The following LXN variants were observed in gnomAD, a reference collection of about 807,000 sequenced individuals.
The protein encoded by LXN is latexin.
A neutral mutation model predicts 29.8 loss-of-function variants in LXN; 28 were observed. The observed-to-expected ratio is 0.94, with a 90% CI of 0.70 to 1.29. The LOEUF (loss-of-function observed/expected upper bound fraction) is 1.29. LXN is among the 50% of genes most tolerant of loss of function. The pLI, the probability that LXN is intolerant of heterozygous loss-of-function variation, is 0.00. For synonymous variants in LXN, 77 were observed against 89.6 expected (o/e 0.86, Z 0.80); for missense variants, 227 against 261.7 (o/e 0.87, Z 0.92).
Position 158,671,808 on chromosome 3 carries a change from AG to A in LXN, c.129+541del, listed in dbSNP as rs1218583905. 2.0e-5 allele frequency among the ~76,000 whole-genome samples: 3 copies of A among 152,338 alleles called. No individual in the cohort carries two copies. The East Asian group carries it at 5.8e-4, about 29-fold the overall frequency. The stretch of plus-strand genomic sequence containing the variant: ...ACATCATTTAAGGCAGTCATGTGGT[AG>A]CGGTGTTTGGGTGGCTAAAGGCCAG... On this transcript the variant is annotated intron_variant, in intron 1 of 5. Transcript: ENST00000264265.
intron 2 of LXN, among the ~76,000 whole-genome samples, chr3:158,670,685 A>G (rs1724201408): frequency 6.6e-6 from 1 of 152,222 alleles, no homozygotes; most frequent in African/African-American, 2.4e-5. Context: ...TGGAATATTT[A>G]GAATTAAATT....
At chr3:158,667,219 A>T in intron 4 of LXN, 145 bp from the exon 5 acceptor site, 1 of 908,124 alleles carries the variant, frequency 1.1e-6, no homozygotes. Context: ...ATTTCAATTT[A>T]ATGTGACAAA....
At chr3:158,670,274 C>T (rs1481941434) in intron 2 of LXN, among the ~76,000 whole-genome samples, 1 of 152,194 alleles carries the variant, frequency 6.6e-6, no homozygotes, top group Admixed American at 6.5e-5. Context: ...AGATCTTCAT[C>T]TGAATGGTGG....
At position 158,666,510 on chromosome 3, in the gene LXN, A is replaced by G. The variant is rs1258707970; in HGVS notation, c.*136T>C. On this transcript the variant is annotated 3_prime_UTR_variant, in exon 6 of 6. Coordinates refer to ENST00000264265, the MANE Select transcript of LXN (RefSeq NM_020169.4). ...AGTGATACTTTGTATTATGGACTCTATAAAGTTCTATACTGTAATCAAGAC... is the reference window on the plus strand; with the variant it reads ...AGTGATACTTTGTATTATGGACTCTGTAAAGTTCTATACTGTAATCAAGAC... The G allele has an allele frequency of 4.1e-5, 47 of 1,135,396 alleles. No individual in the cohort carries two copies. Among genetic ancestry groups the G allele is most frequent in the Non-Finnish European group, 5.4e-5 (41 of 755,404 alleles). The allele number at this position is 1,135,396 out of a possible 1,614,324, so 70.3% of individuals were successfully genotyped here.
At chr3:158,668,460 G>GTAA (rs1171888012) in intron 4 of LXN, among the ~76,000 whole-genome samples, 2 of 152,000 alleles carry the variant, frequency 1.3e-5, no homozygotes, top group Non-Finnish European at 2.9e-5. Context: ...ACTGTATATT[G>GTAA]TACACCTGGG....
At chr3:158,669,206 T>C in intron 3 of LXN, 74 bp from the exon 4 acceptor site, 8 of 1,442,042 alleles carry the variant, frequency 5.5e-6, no homozygotes, top group Non-Finnish European at 7.6e-6. Context: ...AAATTCTAAA[T>C]CATGTCTTAG....
chr3:158,668,428 G>A (rs1350422685), intron 4 of LXN, among the ~76,000 whole-genome samples: 2 of 152,074 alleles, frequency 1.3e-5, no homozygotes, highest in East Asian at 3.9e-4. Context: ...ATCCATAGAT[G>A]CAGAACCCAT....
chr3:158,667,483 C>G (rs936536235), intron 4 of LXN, among the ~76,000 whole-genome samples: 5 of 152,144 alleles, frequency 3.3e-5, no homozygotes, highest in Admixed American at 6.5e-5. Context: ...CAGAAATTCT[C>G]TTTTTGAAAA....
intron 3 of LXN, 102 bp from the exon 4 acceptor site, chr3:158,669,234 G>A (rs1724026680): frequency 3.0e-6 from 4 of 1,328,462 alleles, no homozygotes; most frequent in Non-Finnish European, 4.1e-6. Flanking sequence ...CGAATGTTGT[G>A]CAAAAAATAA....
Position 158,672,627 on chromosome 3 carries a change from C to G in LXN, c.-149G>C. 1.1e-6 allele frequency: 1 copy of G among 913,722 alleles called. No homozygotes were observed. Among genetic ancestry groups the G allele is most frequent in the South Asian group, 1.6e-5 (1 of 61,784 alleles). 56.6% of individuals were successfully genotyped at this position (913,722 alleles called of 1,614,324 possible). A position where few individuals can be genotyped will look rare whatever the true frequency, so the allele number is the denominator to read the frequency against. ...AGTCAGTCTTCTTCCTCAGCTCCTT[C>G]CGACTCCGGAAGCTGCTGTTTGGGC... On this transcript the variant is annotated 5_prime_UTR_variant, in exon 1 of 6. Transcript: ENST00000264265.
chr3:158,666,799 C>T (rs1723737103), intron 5 of LXN, 55 bp from the exon 6 acceptor site: 17 of 1,533,374 alleles, frequency 1.1e-5, no homozygotes, highest in Admixed American at 5.1e-5. Context: ...TTTAGGAAAA[C>T]GTAGTTGGGT....
intron 4 of LXN, among the ~76,000 whole-genome samples, chr3:158,668,725 A>G (rs1723969125): frequency 6.6e-6 from 1 of 152,204 alleles, no homozygotes; most frequent in South Asian, 2.1e-4. Flanking sequence ...AACAAAGCAC[A>G]GTTATTAGGC....
intron 4 of LXN, 45 bp downstream of exon 4, chr3:158,668,951 T>C (rs748636331): frequency 1.4e-6 from 2 of 1,477,722 alleles, no homozygotes; most frequent in Non-Finnish European, 1.8e-6. Context: ...ATACTTTCGA[T>C]AAATATTAAC....
chr3:158,672,312 T>C, intron 1 of LXN, 38 bp downstream of exon 1: 1 of 1,609,692 alleles, frequency 6.2e-7, no homozygotes, highest in Non-Finnish European at 8.5e-7. Flanking sequence ...AGCGCAATCC[T>C]GAAGCCTCTG....
rs749097909 is a variant in LXN at position 158,669,569 on chromosome 3, T to C, written c.234A>G (p.Ser78=). The stretch of plus-strand genomic sequence containing the variant: ...CTTCTGGTGCAGTTTCTTGTCCCGT[T>C]GAAGGGTAAAGTACTTCAGCTGTGC... ...VNCTAEVLYP[S]TGQETAPEVN... The change falls in exon 3 of 6, where the codon TCA becomes TCG. Residue 78 remains serine, a synonymous_variant. Coordinates refer to ENST00000264265, the MANE Select transcript of LXN (RefSeq NM_020169.4). 11 of 1,613,940 alleles carry C rather than the reference T, an allele frequency of 6.8e-6. No individual in the cohort carries two copies. The highest frequency in any genetic ancestry group is 2.2e-5 in the South Asian group (2 of 91,086).
Position 158,666,600 on chromosome 3 carries a change from T to C in LXN, c.*46A>G. The C allele has an allele frequency of 6.6e-7, 1 of 1,523,288 alleles. No individual in the cohort carries two copies. The highest frequency in any genetic ancestry group is 9.1e-7 in the Non-Finnish European group (1 of 1,099,730). The allele number at this position is 1,523,288 out of a possible 1,614,324, so 94.4% of individuals were successfully genotyped here. ...AAGCTAGATGCCAGTGAAATTGGCA[T>C]ACACATCAATAGACATGTTTACACT... On this transcript the variant is annotated 3_prime_UTR_variant, in exon 6 of 6. Transcript: ENST00000264265.
chr3:158,672,376 G>T lies in LXN; in HGVS notation c.103C>A (p.Gln35Lys). 6.2e-7 allele frequency: 1 copy of T among 1,613,962 alleles called. No homozygotes were observed. Among genetic ancestry groups the T allele is most frequent in the Non-Finnish European group, 8.5e-7 (1 of 1,179,912 alleles). The change falls in exon 1 of 6, where the codon CAG becomes AAG. Residue 35 changes from glutamine to lysine, a missense_variant. Coordinates refer to ENST00000264265, the MANE Select transcript of LXN (RefSeq NM_020169.4). ...QGTPHRVFEV[Q>K]KVKQASMEDI... is the part of the protein sequence containing the mutation. ...TCCATGCTGGCTTGTTTGACCTTCT[G>T]CACCTCAAACACCCTGTGCGGGGTC... is the stretch of plus-strand genomic sequence containing the variant.
chr3:158,666,757 A>G lies in LXN; in HGVS notation c.571-13T>C, dbSNP rs1203529607. ...AGGGAATAATCTCCTGCAAGTGAAG[A>G]AAATTAATGCCATGATAAAATTCAG... On this transcript the variant is annotated splice_polypyrimidine_tract_variant and intron_variant, in intron 5 of 5. Coordinates refer to ENST00000264265, the MANE Select transcript of LXN (RefSeq NM_020169.4). 1 of 1,600,964 alleles carries G rather than the reference A, an allele frequency of 6.2e-7. No homozygotes were observed. The highest frequency in any genetic ancestry group is 1.3e-5 in the African/African-American group (1 of 74,816).
At chr3:158,670,325 C>T (rs992558367) in intron 2 of LXN, among the ~76,000 whole-genome samples, 5 of 152,144 alleles carry the variant, frequency 3.3e-5, no homozygotes, top group Non-Finnish European at 4.4e-5. Context: ...TCTAAGAGCA[C>T]GTTCTTTCTC....
Sources: allele counts gnomAD v4.1 joint callset (sites outside exome capture counted in the v4.1 genomes callset), GRCh38; gene constraint gnomAD v4.1.1; transcripts MANE v1.5; gene names NCBI Gene and HGNC (gene_info 2026-07-23, HGNC 2026-07-21).